KLRD1: variants seen among roughly 807,000 people sequenced by gnomAD.
The protein encoded by KLRD1 is killer cell lectin like receptor D1, also known as natural killer cells antigen CD94.
KLRD1 carries 21 observed loss-of-function variants against 22.6 expected under a neutral mutation model. The ratio of observed to expected loss-of-function variants is 0.93; its 90% confidence interval spans 0.66 to 1.34. KLRD1 has a LOEUF of 1.34. Among genes scored for constraint, KLRD1 ranks in the 40% most tolerant of loss-of-function variants. The pLI is 0.00. For synonymous variants in KLRD1, 59 were observed against 71.1 expected, an observed-to-expected ratio of 0.83 and a Z score of 0.85; for missense variants, 183 against 208.6, an observed-to-expected ratio of 0.88 and a Z score of 0.76.
intron 1 of KLRD1, among the ~76,000 whole-genome samples, chr12:10,252,740 C>G (rs928515517): frequency 1.3e-5 from 2 of 152,068 alleles, no homozygotes; most frequent in East Asian, 1.9e-4. Flanking sequence ...AGAGGAATAA[C>G]TTTCAGAGGA....
chr12:10,311,686 C>T, intron 4 of KLRD1, 71 bp downstream of exon 4: 1 of 1,485,410 alleles, frequency 6.7e-7, no homozygotes, highest in Non-Finnish European at 9.2e-7. Context: ...AAGTTAAATA[C>T]TTTGGTTTAA....
chr12:10,300,123 T>C (rs900722766), upstream of KLRD1, among the ~76,000 whole-genome samples: 4 of 152,196 alleles, frequency 2.6e-5, no homozygotes, highest in Non-Finnish European at 5.9e-5. Flanking sequence ...AGTGTTGTAT[T>C]TTTGACTTCC....
At chr12:10,267,812 C>T (rs144569685) in intron 1 of KLRD1, among the ~76,000 whole-genome samples, 4 of 152,310 alleles carry the variant, frequency 2.6e-5, no homozygotes, top group African/African-American at 9.6e-5. Context: ...ATATGAACTA[C>T]TGTCATTCTT....
rs879728058 is a variant in KLRD1 at position 10,328,394 on chromosome 12, G to A, written c.*13601G>A. ...CATAATTCAGTCTTGGTAGGTCCTT[G>A]TCTTTGTGAATTTTTTCATTTCTTC... On this transcript the variant is annotated 3_prime_UTR_variant, in exon 6 of 6. Coordinates refer to ENST00000336164, the MANE Select transcript of KLRD1 (RefSeq NM_002262.5). 1 of 151,894 alleles carries A rather than the reference G, an allele frequency of 6.6e-6. No individual in the cohort carries two copies. Among genetic ancestry groups the A allele is most frequent in the Non-Finnish European group, 1.5e-5 (1 of 67,962 alleles). The allele number at this position is 151,894 out of a possible 1,614,324, so 9.4% of individuals were successfully genotyped here.
chr12:10,315,214 G>C lies in KLRD1; in HGVS notation c.*421G>C. The C allele has an allele frequency of 2.4e-6, 1 of 410,626 alleles. No homozygotes were observed. Among genetic ancestry groups the C allele is most frequent in the South Asian group, 1.7e-5 (1 of 58,000 alleles). The allele number at this position is 410,626 out of a possible 1,614,324, so 25.4% of individuals were successfully genotyped here. ...GTGGCAAGATCATAGCTCATTGCAA[G>C]CTCAAGTGATCCTCCTGACTCAGCC... On this transcript the variant is annotated 3_prime_UTR_variant, in exon 6 of 6. Transcript: ENST00000336164.
In KLRD1 at chr12:10,266,266, A is replaced by G. The variant is rs748686811; in HGVS notation, c.-101+40033A>G. Among the ~76,000 whole-genome samples the G allele has an allele frequency of 2.6e-5, 4 of 152,206 alleles. No individual in the cohort carries two copies. The South Asian group carries it at 8.3e-4, about 31-fold the overall frequency. On this transcript the variant is annotated intron_variant, in intron 1 of 5. Transcript: ENST00000544747. ...AGTAAATGTAAAATATAAGTAAAAT[A>G]TAACTTGACAGTTTCACACATCAAA...
At position 10,317,165 on chromosome 12, in the gene KLRD1, C is replaced by T. The variant is rs980251161; in HGVS notation, c.*2372C>T. On this transcript the variant is annotated 3_prime_UTR_variant, in exon 6 of 6. Coordinates refer to ENST00000336164, the MANE Select transcript of KLRD1 (RefSeq NM_002262.5). ...CCATGGTGTATATGTGCCATATTTTCTTTATCCAGTCTATCACTGATGGGC... is the reference window on the plus strand; with the variant it reads ...CCATGGTGTATATGTGCCATATTTTTTTTATCCAGTCTATCACTGATGGGC... 1 of 152,128 alleles carries T rather than the reference C, an allele frequency of 6.6e-6. No homozygotes were observed. The highest frequency in any genetic ancestry group is 1.5e-5 in the Non-Finnish European group (1 of 68,032). 9.4% of individuals were successfully genotyped at this position (152,128 alleles called of 1,614,324 possible).
intron 1 of KLRD1, among the ~76,000 whole-genome samples, chr12:10,263,500 T>G (rs1293569864): frequency 6.6e-6 from 1 of 152,070 alleles, no homozygotes; most frequent in Admixed American, 6.5e-5. Context: ...ATCCCTAATT[T>G]GAATTAATTT....
In KLRD1 at chr12:10,327,040, G is replaced by T. The variant is rs1205695887; in HGVS notation, c.*12247G>T. ...TTCTTTGAAGGGCTTTACATTTTCA[G>T]TACTTACATTTAGGCTTTTAATCCA... On this transcript the variant is annotated 3_prime_UTR_variant, in exon 6 of 6. Transcript: ENST00000336164. 1 of 152,122 alleles carries T rather than the reference G, an allele frequency of 6.6e-6. No individual in the cohort carries two copies. Among genetic ancestry groups the T allele is most frequent in the Non-Finnish European group, 1.5e-5 (1 of 68,014 alleles). The allele number at this position is 152,122 out of a possible 1,614,324, so 9.4% of individuals were successfully genotyped here. A position where few individuals can be genotyped will look rare whatever the true frequency, so the allele number is the denominator to read the frequency against.
chr12:10,305,891 G>A (rs184480457), upstream of KLRD1, among the ~76,000 whole-genome samples: 1,986 of 152,162 alleles, frequency 0.013, 12 homozygotes, highest in Non-Finnish European at 0.021. Flanking sequence ...GGCCGGGCAC[G>A]GTGGCTCACG....
intron 1 of KLRD1, among the ~76,000 whole-genome samples, chr12:10,252,651 A>G (rs1031392000): frequency 2.6e-5 from 4 of 152,238 alleles, no homozygotes; most frequent in African/African-American, 9.7e-5. Flanking sequence ...ATGAATGACC[A>G]TTACAGGGAA....
chr12:10,313,618 C>G, intron 5 of KLRD1, 105 bp downstream of exon 5: 1 of 586,320 alleles, frequency 1.7e-6, no homozygotes, highest in Middle Eastern at 3.1e-4. Flanking sequence ...ATAACCTTGT[C>G]TAGGGCATGA....
intron 1 of KLRD1, among the ~76,000 whole-genome samples, chr12:10,286,051 A>G (rs530587321): frequency 7.2e-5 from 11 of 152,220 alleles, no homozygotes; most frequent in Non-Finnish European, 1.5e-4. Flanking sequence ...TCCTCTACCC[A>G]TTACCCATCC....
At chr12:10,250,856 A>G (rs1353977625) in intron 1 of KLRD1, among the ~76,000 whole-genome samples, 1 of 152,124 alleles carries the variant, frequency 6.6e-6, no homozygotes, top group Non-Finnish European at 1.5e-5. Flanking sequence ...GTGAAGCTAG[A>G]GAAGATCCAG....
At chr12:10,246,350 A>G (rs1949290785) in intron 1 of KLRD1, among the ~76,000 whole-genome samples, 1 of 148,100 alleles carries the variant, frequency 6.8e-6, no homozygotes. Flanking sequence ...TATATACTAC[A>G]TTTTTAAGGA....
At chr12:10,272,434 A>T (rs191466556) in intron 1 of KLRD1, among the ~76,000 whole-genome samples, 4 of 152,356 alleles carry the variant, frequency 2.6e-5, no homozygotes, top group Admixed American at 2.0e-4. Flanking sequence ...AAGATTTTCA[A>T]ATCCTCCTCT....
chr12:10,317,506 C>G lies in KLRD1; in HGVS notation c.*2713C>G, dbSNP rs544647873. On this transcript the variant is annotated 3_prime_UTR_variant, in exon 6 of 6. Coordinates refer to ENST00000336164, the MANE Select transcript of KLRD1 (RefSeq NM_002262.5). Reference sequence around the variant, plus strand: ...TATCAGTACTGGACAAAGCCCTCTGCAGCATACAGCATAAACACTATTCCA... The same window carrying G: ...TATCAGTACTGGACAAAGCCCTCTGGAGCATACAGCATAAACACTATTCCA... 3 of 152,356 alleles carry G rather than the reference C, an allele frequency of 2.0e-5. No individual in the cohort carries two copies. Among genetic ancestry groups the G allele is most frequent in the Admixed American group, 6.5e-5 (1 of 15,302 alleles). 9.4% of individuals were successfully genotyped at this position (152,356 alleles called of 1,614,324 possible).
chr12:10,269,512 C>G (rs1949530454), intron 1 of KLRD1, among the ~76,000 whole-genome samples: 1 of 152,168 alleles, frequency 6.6e-6, no homozygotes, highest in Admixed American at 6.5e-5. Context: ...CTTTGATTAG[C>G]TTACTTATTT....
intron 1 of KLRD1, among the ~76,000 whole-genome samples, chr12:10,292,168 A>G (rs1949776448): frequency 6.6e-6 from 1 of 152,098 alleles, no homozygotes. Flanking sequence ...TACTTTCTCC[A>G]CTGAAGTCTC....
Sources: gnomAD v4.1 joint callset for allele counts (sites outside exome capture counted in the v4.1 genomes callset) on GRCh38, gnomAD v4.1.1 for gene constraint, MANE v1.5 for transcripts, NCBI Gene and HGNC (gene_info 2026-07-23, HGNC 2026-07-21) for gene names.